SUMF2: variants seen among roughly 807,000 people sequenced by gnomAD.
SUMF2 encodes inactive C-alpha-formylglycine-generating enzyme 2.
A neutral mutation model predicts 44.8 loss-of-function variants in SUMF2; 45 were observed. That is an observed-to-expected ratio of 1.00 (90% CI 0.79 to 1.29). The LOEUF (loss-of-function observed/expected upper bound fraction) is 1.29. Among genes scored for constraint, SUMF2 ranks in the 50% most tolerant of loss-of-function variants. SUMF2 has a pLI of 0.00. For missense variants in SUMF2, 418 were observed against 389.9 expected, an observed-to-expected ratio of 1.07 and a Z score of -0.61; for synonymous variants, 148 against 150.4, an observed-to-expected ratio of 0.98 and a Z score of 0.12.
downstream of SUMF2, among the ~76,000 whole-genome samples, chr7:56,085,464 A>T (rs1030901052): frequency 6.6e-6 from 1 of 152,190 alleles, no homozygotes; most frequent in African/African-American, 2.4e-5. Flanking sequence ...GCTTAGAAAT[A>T]AGGGGCTCAT....
At chr7:56,070,544 C>T (rs954607644) in intron 2 of SUMF2, among the ~76,000 whole-genome samples, 3 of 151,556 alleles carry the variant, frequency 2.0e-5, no homozygotes, top group Non-Finnish European at 2.9e-5. Context: ...GCAGGAGGAT[C>T]ACTTGAGTGT....
chr7:56,073,472 C>T (rs1178816335), intron 3 of SUMF2: 12 of 321,002 alleles, frequency 3.7e-5, no homozygotes, highest in South Asian at 1.7e-4. Flanking sequence ...GGCGAAACCC[C>T]GTCTATACTA....
chr7:56,087,202 T>TATC, the SUMF2 span, among the ~76,000 whole-genome samples: 1 of 131,424 alleles, frequency 7.6e-6, no homozygotes, highest in Non-Finnish European at 1.5e-5. Context: ...ACTTTATTAT[T>TATC]ATTATTATTA....
At chr7:56,070,547 T>A (rs1795089101) in intron 2 of SUMF2, among the ~76,000 whole-genome samples, 1 of 151,864 alleles carries the variant, frequency 6.6e-6, no homozygotes, top group African/African-American at 2.4e-5. Context: ...GGAGGATCAC[T>A]TGAGTGTGGA....
In SUMF2 at chr7:56,077,557, G is replaced by T. The variant is rs151271842; in HGVS notation, c.592-545G>T. On this transcript the variant is annotated intron_variant, in intron 6 of 8. Coordinates refer to ENST00000434526, the MANE Select transcript of SUMF2 (RefSeq NM_015411.4). ...GCACCTGTAATCCCAGCTGCTTGGG[G>T]CTTGGGCAGGAGAATCACTTGAACC... Among the ~76,000 whole-genome samples, 48 of 151,600 alleles carry T rather than the reference G, an allele frequency of 3.2e-4. 2 individuals carry two copies. Among genetic ancestry groups the T allele is most frequent in the African/African-American group, 1.1e-3 (46 of 41,460 alleles).
In SUMF2 at chr7:56,080,149, A is replaced by T; in HGVS notation, c.*537A>T. 1 of 397,014 alleles carries T rather than the reference A, an allele frequency of 2.5e-6. No homozygotes were observed. The allele number at this position is 397,014 out of a possible 1,614,324, so 24.6% of individuals were successfully genotyped here. On this transcript the variant is annotated 3_prime_UTR_variant, in exon 9 of 9. Transcript: ENST00000434526. ...CATGTAACTATTTAAAGCACAGTTC[A>T]GTCCTAAAAGGGTCTGGGAGAACCA...
At chr7:56,082,034 G>T, downstream of SUMF2, 1 of 1,612,974 alleles carries the variant, frequency 6.2e-7, no homozygotes, top group Non-Finnish European at 8.5e-7. Flanking sequence ...ACATGATGAC[G>T]CCAGTGCTCC....
In SUMF2 at chr7:56,064,361, G is replaced by C; in HGVS notation, c.50G>C (p.Gly17Ala). The change falls in exon 1 of 9, where the codon GGC (glycine) becomes GCC (alanine). Residue 17 changes from glycine (G) to alanine (A), a missense_variant. By Grantham distance (60) the Gly-to-Ala change is moderately conservative (BLOSUM62 0). Transcript: ENST00000434526. ...CTGCCCCTGCTGTCGCTCCTGGTCG[G>C]CGCGTGGCTCAAGCTAGGTCAGTGA... ...PLLPLLSLLV[G>A]AWLKLGNGQA... The C allele has an allele frequency of 1.2e-6, 2 of 1,604,480 alleles. No homozygotes were observed. Among genetic ancestry groups the C allele is most frequent in the Non-Finnish European group, 1.7e-6 (2 of 1,176,014 alleles).
chr7:56,083,655 T>A (rs1456584561), downstream of SUMF2: 3 of 1,581,962 alleles, frequency 1.9e-6, no homozygotes, highest in Non-Finnish European at 2.6e-6. Context: ...CTCACCTGGT[T>A]TCCTTCTCAC....
chr7:56,069,676 G>A (rs369292660), intron 2 of SUMF2, among the ~76,000 whole-genome samples: 13 of 151,680 alleles, frequency 8.6e-5, no homozygotes, highest in East Asian at 1.9e-4. Context: ...ATCTCAGCTC[G>A]CTGCAGCCTC....
the SUMF2 span, among the ~76,000 whole-genome samples, chr7:56,085,974 CAA>C: frequency 1.1e-3 from 140 of 133,186 alleles, no homozygotes; most frequent in East Asian, 1.3e-3. Context: ...AACTCTGTCT[CAA>C]AAAAAAAAAA....
the SUMF2 span, among the ~76,000 whole-genome samples, chr7:56,085,906 G>A: frequency 5.3e-5 from 8 of 151,190 alleles, no homozygotes; most frequent in African/African-American, 1.7e-4. Flanking sequence ...CCCAGGAGAC[G>A]GAGGTTGCAG....
At chr7:56,086,000 A>T in the SUMF2 span, among the ~76,000 whole-genome samples, 1 of 150,672 alleles carries the variant, frequency 6.6e-6, no homozygotes, top group East Asian at 2.0e-4. Context: ...AGTAAATCAG[A>T]TCATGTCACC....
intron 8 of SUMF2, chr7:56,078,950 G>A (rs1297984724): frequency 1.8e-6 from 1 of 556,226 alleles, no homozygotes; most frequent in South Asian, 2.4e-5. Context: ...AGGCTGGAGT[G>A]CAGTGGCACA....
intron 1 of SUMF2, among the ~76,000 whole-genome samples, chr7:56,066,533 G>T (rs1339364544): frequency 6.6e-6 from 1 of 151,910 alleles, no homozygotes; most frequent in African/African-American, 2.4e-5. Context: ...TGCAACCTCC[G>T]CCCCCCCAGG....
the SUMF2 span, among the ~76,000 whole-genome samples, chr7:56,087,422 G>A: frequency 6.6e-6 from 1 of 151,918 alleles, no homozygotes; most frequent in Non-Finnish European, 1.5e-5. Context: ...CCATTCCCCT[G>A]CCTGCATCCA....
At chr7:56,086,846 G>A in the SUMF2 span, 15 of 798,504 alleles carry the variant, frequency 1.9e-5, no homozygotes, top group African/African-American at 1.5e-4. Flanking sequence ...TCTAAACACC[G>A]TGATTGTATT....
the SUMF2 span, chr7:56,087,568 C>G: frequency 6.3e-7 from 1 of 1,598,696 alleles, no homozygotes; most frequent in Non-Finnish European, 8.6e-7. Context: ...AGGGGGGCAC[C>G]CTGCCGTGTG....
downstream of SUMF2, chr7:56,081,575 G>A (rs530742425): frequency 2.5e-6 from 4 of 1,596,570 alleles, no homozygotes; most frequent in South Asian, 4.4e-5. The surrounding 1 kb of genome is among the most constrained non-coding windows in gnomAD (Gnocchi z 4.6). Flanking sequence ...GAGAGGAGGG[G>A]GCTTAGAGGT....
Sources: allele counts gnomAD v4.1 joint callset (sites outside exome capture counted in the v4.1 genomes callset), GRCh38; gene constraint gnomAD v4.1.1; non-coding constraint Gnocchi (gnomAD v3.1); transcripts MANE v1.5; gene names NCBI Gene and HGNC (gene_info 2026-07-23, HGNC 2026-07-21).